Variants in GSN observed in about 807,000 individuals in gnomAD.
GSN encodes actin-depolymerizing factor.
GSN carries 56 observed loss-of-function variants against 85.7 expected under a neutral mutation model. The ratio of observed to expected loss-of-function variants is 0.65; its 90% confidence interval spans 0.53 to 0.82. GSN has a LOEUF of 0.82. Ranked by LOEUF, GSN falls within the 40% of genes least tolerant of loss-of-function variation. GSN has a pLI of 0.00. For missense variants in GSN, 857 were observed against 979.8 expected, an observed-to-expected ratio of 0.87 and a Z score of 1.67; for synonymous variants, 373 against 399.1, an observed-to-expected ratio of 0.93 and a Z score of 0.78.
At chr9:121,309,087 G>A (rs940993302) in intron 4 of GSN, 1 of 152,244 alleles carries the variant, frequency 6.6e-6, no homozygotes, top group African/African-American at 2.4e-5. Context: ...TTGGGAGGAG[G>A]AAACAAGGTT....
At chr9:121,266,250 C>T (rs2055198771), upstream of GSN, among the ~76,000 whole-genome samples, 1 of 152,188 alleles carries the variant, frequency 6.6e-6, no homozygotes, top group Non-Finnish European at 1.5e-5. Flanking sequence ...AATGTTTCCT[C>T]CATCGTGATG....
chr9:121,298,985 A>G (rs781645833), intron 2 of GSN, among the ~76,000 whole-genome samples: 4 of 152,184 alleles, frequency 2.6e-5, no homozygotes, highest in Non-Finnish European at 5.9e-5. Flanking sequence ...AATGGAAACC[A>G]AACAAAACAA....
chr9:121,323,519 G>A (rs556274536), intron 11 of GSN, among the ~76,000 whole-genome samples: 20 of 151,634 alleles, frequency 1.3e-4, no homozygotes, highest in East Asian at 3.9e-4. Flanking sequence ...ACAGGTGTGC[G>A]CCAACACACC....
the GSN span, chr9:121,201,529 G>C: frequency 6.6e-6 from 1 of 152,360 alleles, no homozygotes; most frequent in Non-Finnish European, 1.5e-5. Flanking sequence ...CCTGGCCCCG[G>C]GGCGCCGCCC....
At chr9:121,229,783 G>C (rs1402469386) in intron 4 of GSN, among the ~76,000 whole-genome samples, 1 of 152,166 alleles carries the variant, frequency 6.6e-6, no homozygotes, top group Non-Finnish European at 1.5e-5. Flanking sequence ...AATTTCTGGG[G>C]AGACACTTTG....
intron 4 of GSN, among the ~76,000 whole-genome samples, chr9:121,228,953 T>C (rs1246403537): frequency 1.3e-5 from 2 of 152,182 alleles, no homozygotes; most frequent in Non-Finnish European, 2.9e-5. Flanking sequence ...TTCTAATATC[T>C]TTAGCAAATA....
chr9:121,327,864 C>T (rs1470360749), intron 14 of GSN, among the ~76,000 whole-genome samples: 1 of 147,262 alleles, frequency 6.8e-6, no homozygotes, highest in Non-Finnish European at 1.5e-5. Context: ...ATCCCAGCTA[C>T]TCGGGAGGCT....
chr9:121,327,162 C>T (rs372768551), intron 13 of GSN, 146 bp from the exon 14 acceptor site: 3 of 792,506 alleles, frequency 3.8e-6, no homozygotes, highest in African/African-American at 1.7e-5. Context: ...CATCAGGGTC[C>T]AAAGTCTGTG....
chr9:121,310,912 A>G (rs944030782), intron 5 of GSN, 67 bp downstream of exon 5: 1 of 1,452,212 alleles, frequency 6.9e-7, no homozygotes, highest in African/African-American at 1.4e-5. Flanking sequence ...GGACTTGGGT[A>G]CATCCACGTG....
chr9:121,308,007 C>T (rs1255637824), intron 4 of GSN, among the ~76,000 whole-genome samples: 1 of 152,222 alleles, frequency 6.6e-6, no homozygotes, highest in Non-Finnish European at 1.5e-5. Flanking sequence ...GTCCCTCACC[C>T]CAGAGTCCCA....
the GSN span, chr9:121,201,984 A>C: frequency 6.6e-6 from 1 of 152,546 alleles, no homozygotes; most frequent in Non-Finnish European, 1.5e-5. Flanking sequence ...GGCTGAGGCC[A>C]GCCCGCTAGC....
rs78175432 is a variant in GSN at position 121,248,041 on chromosome 9, A to T, written c.-388-235A>T. On this transcript the variant is annotated intron_variant, in intron 5 of 24. Coordinates refer to the GSN transcript ENST00000373823. The stretch of plus-strand genomic sequence containing the variant: ...GCTTCCACATTCTCTCCTTTATTTG[A>T]TCCCAACAAAGGGAGTTAGATAGGA... Among the ~76,000 whole-genome samples the T allele has an allele frequency of 3.3e-5, 5 of 152,310 alleles. No homozygotes were observed. The East Asian group carries it at 7.7e-4, about 23-fold the overall frequency.
chr9:121,301,649 AAAAG>A (rs1052037849), intron 2 of GSN, among the ~76,000 whole-genome samples: 41 of 151,926 alleles, frequency 2.7e-4, no homozygotes, highest in African/African-American at 8.0e-4. Flanking sequence ...AAAAAAGAAA[AAAAG>A]AAAGAAAGAA....
In GSN at chr9:121,321,931, C is replaced by T. The variant is rs894955672; in HGVS notation, c.1325+530C>T. Among the ~76,000 whole-genome samples the T allele has an allele frequency of 6.6e-5, 10 of 152,074 alleles. No individual in the cohort carries two copies. In the South Asian group the frequency reaches 1.9e-3, roughly 28 times the overall value. On this transcript the variant is annotated intron_variant, in intron 11 of 17. Transcript: ENST00000432226. ...TAATTTTTTGTATTTTTAGTAAAGA[C>T]GGGGTTTCACTATGTTGACCAGGCT...
At chr9:121,325,008 A>G (rs1406008682) in intron 12 of GSN, among the ~76,000 whole-genome samples, 1 of 152,206 alleles carries the variant, frequency 6.6e-6, no homozygotes, top group Non-Finnish European at 1.5e-5. Context: ...GTGGCTGAGC[A>G]CGGATGTGGA....
chr9:121,236,030 C>A (rs983707765), intron 5 of GSN, among the ~76,000 whole-genome samples: 2 of 152,074 alleles, frequency 1.3e-5, no homozygotes, highest in African/African-American at 4.8e-5. Flanking sequence ...ACTCTGGATG[C>A]CTGAAATCTG....
intron 4 of GSN, among the ~76,000 whole-genome samples, chr9:121,303,879 A>C (rs1365818202): frequency 6.6e-6 from 1 of 152,180 alleles, no homozygotes; most frequent in East Asian, 1.9e-4. Context: ...GGTGGGCCTT[A>C]ATGTCAGAGT....
chr9:121,231,356 T>G (rs749447045), intron 5 of GSN: 1 of 152,184 alleles, frequency 6.6e-6, no homozygotes, highest in African/African-American at 2.4e-5. Flanking sequence ...GATTTCCTTC[T>G]TCTCTATCTT....
chr9:121,280,596 A>C (rs1315001526), intron 1 of GSN, among the ~76,000 whole-genome samples: 1 of 152,232 alleles, frequency 6.6e-6, no homozygotes, highest in African/African-American at 2.4e-5. Flanking sequence ...AGGATGAGAA[A>C]GATACAATTT....
Sources: allele counts gnomAD v4.1 joint callset (sites outside exome capture counted in the v4.1 genomes callset), GRCh38; gene constraint gnomAD v4.1.1; transcripts MANE v1.5; gene names NCBI Gene and HGNC (gene_info 2026-07-23, HGNC 2026-07-21).